The following PTPRM variants were observed in gnomAD, a reference collection of about 807,000 sequenced individuals.
PTPRM encodes the protein receptor-type tyrosine-protein phosphatase mu.
Under a neutral mutation model 186.7 loss-of-function variants are expected in PTPRM, and 47 were observed. The ratio of observed to expected loss-of-function variants is 0.25; its 90% CI spans 0.20 to 0.32. The LOEUF (loss-of-function observed/expected upper bound fraction) is 0.32. Ranked by LOEUF, PTPRM falls within the 10% of genes least tolerant of loss-of-function variation. PTPRM has a pLI of 1.00. For missense variants in PTPRM, 1,494 were observed against 1,865.0 expected (o/e 0.80, Z 3.66); for synonymous variants, 668 against 674.9 (o/e 0.99, Z 0.16).
chr18:7,885,989 G>A (rs184720973), intron 2 of PTPRM, among the ~76,000 whole-genome samples: 45 of 152,248 alleles, frequency 3.0e-4, no homozygotes, highest in Non-Finnish European at 5.0e-4. Context: ...GTATATTGCC[G>A]TGCTTTCCAC....
At chr18:7,855,604 G>T (rs1288409579) in intron 2 of PTPRM, among the ~76,000 whole-genome samples, 1 of 152,196 alleles carries the variant, frequency 6.6e-6, no homozygotes, top group African/African-American at 2.4e-5. Flanking sequence ...TAATAGCACT[G>T]AACTCACCTT....
At chr18:8,325,509 T>C (rs1256376509) in intron 22 of PTPRM, among the ~76,000 whole-genome samples, 2 of 152,242 alleles carry the variant, frequency 1.3e-5, no homozygotes, top group African/African-American at 4.8e-5. Flanking sequence ...TTCTTTTTTA[T>C]GGCTGCATAG....
chr18:7,717,988 G>C (rs920435196), intron 1 of PTPRM, among the ~76,000 whole-genome samples: 3 of 151,838 alleles, frequency 2.0e-5, no homozygotes, highest in Non-Finnish European at 2.9e-5. Context: ...CACCCCTGTT[G>C]AGAGTCTCAT....
intron 5 of PTPRM, among the ~76,000 whole-genome samples, chr18:7,930,763 A>G (rs1230617911): frequency 6.6e-6 from 1 of 152,174 alleles, no homozygotes; most frequent in African/African-American, 2.4e-5. Context: ...ACCTGTGAAA[A>G]TGGCCAAGGT....
intron 20 of PTPRM, among the ~76,000 whole-genome samples, chr18:8,309,991 G>C (rs1317063857): frequency 6.6e-6 from 1 of 152,132 alleles, no homozygotes; most frequent in Non-Finnish European, 1.5e-5. Context: ...AAACACCTCA[G>C]ATTAAATATA....
chr18:7,609,696 C>T (rs2037625542), intron 1 of PTPRM, among the ~76,000 whole-genome samples: 1 of 152,118 alleles, frequency 6.6e-6, no homozygotes, highest in Non-Finnish European at 1.5e-5. Flanking sequence ...AGTTTCTGAT[C>T]TACTGCCATT....
chr18:7,914,787 A>G (rs1313208498), intron 4 of PTPRM, among the ~76,000 whole-genome samples: 1 of 152,168 alleles, frequency 6.6e-6, no homozygotes, highest in East Asian at 1.9e-4. Flanking sequence ...TCAGCGTTAG[A>G]GTAAGCAGTA....
chr18:7,663,273 T>A (rs2144403524), intron 1 of PTPRM, among the ~76,000 whole-genome samples: 1 of 152,186 alleles, frequency 6.6e-6, no homozygotes, highest in South Asian at 2.1e-4. Context: ...TTTAAACTAG[T>A]TAAAAACTTA....
In PTPRM at chr18:8,280,537, G is replaced by C. The variant is rs553692520; in HGVS notation, c.2755-15831G>C. 7.2e-5 allele frequency among the ~76,000 whole-genome samples: 11 copies of C among 152,218 alleles called. No homozygotes were observed. In the East Asian group the frequency reaches 1.9e-3, roughly 27 times the overall value. On this transcript the variant is annotated intron_variant, in intron 19 of 32. Transcript: ENST00000580170. The stretch of plus-strand genomic sequence containing the variant: ...GGGCAAGGCATCAGCCTCATTGGTG[G>C]GTCCCCTGTGAATCACCACCTGAGC...
chr18:7,719,109 A>G (rs1317625672), intron 1 of PTPRM, among the ~76,000 whole-genome samples: 1 of 152,252 alleles, frequency 6.6e-6, no homozygotes, highest in East Asian at 1.9e-4. Flanking sequence ...TGTTTATAGC[A>G]GCATAATTTG....
At chr18:8,012,849 A>T (rs1387420780) in intron 7 of PTPRM, among the ~76,000 whole-genome samples, 2 of 152,150 alleles carry the variant, frequency 1.3e-5, no homozygotes, top group African/African-American at 4.8e-5. Flanking sequence ...TTATTTTTCA[A>T]ATGAAGTGTA....
chr18:8,363,389 T>C (rs2095608619), intron 23 of PTPRM, among the ~76,000 whole-genome samples: 1 of 152,218 alleles, frequency 6.6e-6, no homozygotes, highest in Non-Finnish European at 1.5e-5. Flanking sequence ...AGATCTATAC[T>C]GTGACCCTGA....
intron 7 of PTPRM, among the ~76,000 whole-genome samples, chr18:8,040,793 T>C (rs939853204): frequency 2.6e-5 from 4 of 152,230 alleles, no homozygotes; most frequent in African/African-American, 9.6e-5. Context: ...CATTTATCAG[T>C]TTCTGCATTT....
At chr18:8,342,838 G>A (rs2095482740) in intron 22 of PTPRM, among the ~76,000 whole-genome samples, 1 of 152,138 alleles carries the variant, frequency 6.6e-6, no homozygotes, top group Non-Finnish European at 1.5e-5. Flanking sequence ...GGAAGTAGAT[G>A]GCTATTTATG....
chr18:8,191,273 TAGTTTAAGGC>T (rs1257005583), intron 14 of PTPRM, among the ~76,000 whole-genome samples: 3 of 152,140 alleles, frequency 2.0e-5, no homozygotes, highest in African/African-American at 7.2e-5. Flanking sequence ...ATTTGATACT[TAGTTTAAGGC>T]AGAGATTGGC....
At chr18:7,578,715 C>T (rs1322905742) in intron 1 of PTPRM, among the ~76,000 whole-genome samples, 1 of 151,640 alleles carries the variant, frequency 6.6e-6, no homozygotes, top group Non-Finnish European at 1.5e-5. Flanking sequence ...TCAAGTGATC[C>T]TCCCACCTCA....
At chr18:8,401,435 C>T (rs915419367) in intron 32 of PTPRM, among the ~76,000 whole-genome samples, 3 of 152,204 alleles carry the variant, frequency 2.0e-5, no homozygotes, top group Non-Finnish European at 4.4e-5. Context: ...GCTGGGAACA[C>T]TGAACTGAGG....
intron 1 of PTPRM, among the ~76,000 whole-genome samples, chr18:7,773,154 G>A (rs572917434): frequency 1.3e-5 from 2 of 151,884 alleles, no homozygotes; most frequent in East Asian, 3.9e-4. Flanking sequence ...CCAGAATTCA[G>A]CAGATGTTTA....
At chr18:7,707,905 A>G (rs1052316896) in intron 1 of PTPRM, among the ~76,000 whole-genome samples, 2 of 152,186 alleles carry the variant, frequency 1.3e-5, no homozygotes, top group Admixed American at 6.5e-5. Flanking sequence ...CCCTGCCACT[A>G]CAATATTTCA....
Sources: gnomAD v4.1 joint callset for allele counts (sites outside exome capture counted in the v4.1 genomes callset) on GRCh38, gnomAD v4.1.1 for gene constraint, MANE v1.5 for transcripts, NCBI Gene and HGNC (gene_info 2026-07-23, HGNC 2026-07-21) for gene names.